Variants in CHODL observed in about 807,000 individuals in gnomAD.
CHODL encodes the protein chondrolectin.
In CHODL, 29 loss-of-function variants were observed where a neutral mutation model predicts 34.5. The ratio of observed to expected loss-of-function variants is 0.84; its 90% CI spans 0.63 to 1.15. The LOEUF (loss-of-function observed/expected upper bound fraction) is 1.15. Among genes scored for constraint, CHODL ranks in the 50% most tolerant of loss-of-function variants. CHODL has a pLI of 0.00. For missense variants in CHODL, 332 were observed against 332.5 expected (o/e 1.00, Z 0.01); for synonymous variants, 125 against 116.1 (o/e 1.08, Z -0.49).
At chr21:18,033,787 C>T (rs1445556418) in intron 2 of CHODL, among the ~76,000 whole-genome samples, 1 of 151,898 alleles carries the variant, frequency 6.6e-6, no homozygotes, top group Admixed American at 6.6e-5. Flanking sequence ...ATTAAAATAC[C>T]TGGGAAAGAA....
intron 1 of CHODL, among the ~76,000 whole-genome samples, chr21:17,960,247 C>A (rs2063522184): frequency 6.6e-6 from 1 of 152,160 alleles, no homozygotes; most frequent in Non-Finnish European, 1.5e-5. Flanking sequence ...GAAACTCCAT[C>A]TCTTATAGCT....
chr21:18,099,215 T>C (rs921253018), intron 2 of CHODL, among the ~76,000 whole-genome samples: 1 of 151,982 alleles, frequency 6.6e-6, no homozygotes, highest in Non-Finnish European at 1.5e-5. Flanking sequence ...TAATTGTACA[T>C]TTTAAAATAA....
chr21:18,199,648 A>C (rs1234853144), intron 2 of CHODL, among the ~76,000 whole-genome samples: 1 of 152,058 alleles, frequency 6.6e-6, no homozygotes, highest in Non-Finnish European at 1.5e-5. Flanking sequence ...TCTGCCAATC[A>C]CTGAACTTTT....
At chr21:18,243,066 T>C (rs1284348651), upstream of CHODL, among the ~76,000 whole-genome samples, 1 of 152,186 alleles carries the variant, frequency 6.6e-6, no homozygotes, top group Admixed American at 6.5e-5. Context: ...GTTCTACAGG[T>C]ATTTGGAGAA....
At chr21:17,917,843 A>G (rs1433523910) in intron 1 of CHODL, among the ~76,000 whole-genome samples, 2 of 151,908 alleles carry the variant, frequency 1.3e-5, no homozygotes, top group African/African-American at 4.8e-5. Flanking sequence ...AACAGTGTAA[A>G]AATGAAGTCT....
intron 2 of CHODL, among the ~76,000 whole-genome samples, chr21:18,189,921 C>T (rs2073491515): frequency 6.6e-6 from 1 of 152,078 alleles, no homozygotes; most frequent in Non-Finnish European, 1.5e-5. Flanking sequence ...AGGCATGAGC[C>T]ACCACTCCTG....
At chr21:18,248,899 CAT>C (rs1309996201) in intron 1 of CHODL, among the ~76,000 whole-genome samples, 38 of 113,060 alleles carry the variant, frequency 3.4e-4, no homozygotes, top group African/African-American at 1.3e-3. Flanking sequence ...TAATATAATA[CAT>C]ATATATGTAT....
intron 2 of CHODL, among the ~76,000 whole-genome samples, chr21:18,202,970 A>T (rs2073671650): frequency 6.6e-6 from 1 of 152,190 alleles, no homozygotes; most frequent in Non-Finnish European, 1.5e-5. Flanking sequence ...CATCTCGAAA[A>T]ATCTTTGTTA....
intron 2 of CHODL, among the ~76,000 whole-genome samples, chr21:18,111,232 C>G (rs909684588): frequency 1.3e-5 from 2 of 152,168 alleles, no homozygotes; most frequent in Non-Finnish European, 2.9e-5. Flanking sequence ...ACAACTCAGA[C>G]AGATCTTTTC....
rs2065254384 is a variant in CHODL, at chr21:18,104,752, T to C, written c.-45+76781T>C. 1.1e-4 allele frequency among the ~76,000 whole-genome samples: 17 copies of C among 152,346 alleles called. 2 individuals carry two copies. In the South Asian group the frequency reaches 3.5e-3, roughly 32 times the overall value. ...TATTGTTTTACAGCCTATTTACCAATTGCTCTTCCTAATGATTCCAGCAAC... is the reference window on the plus strand; with the variant it reads ...TATTGTTTTACAGCCTATTTACCAACTGCTCTTCCTAATGATTCCAGCAAC... On this transcript the variant is annotated intron_variant, in intron 2 of 6. Coordinates refer to the CHODL transcript ENST00000400127.
chr21:18,189,515 T>C (rs2073485656), intron 2 of CHODL, among the ~76,000 whole-genome samples: 1 of 152,148 alleles, frequency 6.6e-6, no homozygotes, highest in Non-Finnish European at 1.5e-5. Context: ...TTGATAATTG[T>C]TAAGAGCTGA....
intron 2 of CHODL, among the ~76,000 whole-genome samples, chr21:18,083,929 T>C (rs947434768): frequency 9.2e-5 from 14 of 152,210 alleles, no homozygotes; most frequent in African/African-American, 3.4e-4. Context: ...GGGAGACTGC[T>C]GGAAAGACAT....
intron 2 of CHODL, among the ~76,000 whole-genome samples, chr21:18,166,284 C>T (rs1235933563): frequency 6.6e-6 from 1 of 152,160 alleles, no homozygotes; most frequent in African/African-American, 2.4e-5. Flanking sequence ...ATGTATCTTC[C>T]AGGGAAGTTC....
At chr21:17,973,279 A>AAATTGAC (rs1428594416) in intron 1 of CHODL, among the ~76,000 whole-genome samples, 1 of 152,220 alleles carries the variant, frequency 6.6e-6, no homozygotes, top group Non-Finnish European at 1.5e-5. Context: ...ACAAAAGCCA[A>AAATTGAC]AATTGACAAA....
chr21:17,959,998 G>T (rs557859969), intron 1 of CHODL, among the ~76,000 whole-genome samples: 5 of 152,088 alleles, frequency 3.3e-5, no homozygotes, highest in Non-Finnish European at 7.4e-5. Context: ...ACAGTGCGGG[G>T]GTGATAGAGG....
intron 2 of CHODL, among the ~76,000 whole-genome samples, chr21:18,219,244 A>G (rs2073859964): frequency 6.6e-6 from 1 of 152,208 alleles, no homozygotes; most frequent in South Asian, 2.1e-4. Context: ...ACTTACAGTC[A>G]TGGCAGAACT....
chr21:17,952,121 G>A (rs932974789), intron 1 of CHODL, among the ~76,000 whole-genome samples: 3 of 145,742 alleles, frequency 2.1e-5, no homozygotes, highest in African/African-American at 7.6e-5. Flanking sequence ...AGAAGGCTGA[G>A]TTGGGAGGAT....
At chr21:18,074,904 G>A (rs913788944) in intron 2 of CHODL, among the ~76,000 whole-genome samples, 1 of 152,134 alleles carries the variant, frequency 6.6e-6, no homozygotes. Flanking sequence ...CAGGGACAAT[G>A]ACTAAGGACC....
chr21:18,087,724 C>G (rs1425294543), intron 2 of CHODL, among the ~76,000 whole-genome samples: 4 of 151,984 alleles, frequency 2.6e-5, no homozygotes, highest in Non-Finnish European at 4.4e-5. Context: ...TGGAATGTGG[C>G]CTGCTCACAA....
Sources: allele counts gnomAD v4.1 joint callset (sites outside exome capture counted in the v4.1 genomes callset), GRCh38; gene constraint gnomAD v4.1.1; transcripts MANE v1.5; gene names NCBI Gene and HGNC (gene_info 2026-07-23, HGNC 2026-07-21).